The following ATP8A1 variants were observed in gnomAD, a reference collection of about 807,000 sequenced individuals.
ATP8A1 encodes ATPase phospholipid transporting 8A1, also known as phospholipid-transporting ATPase IA.
ATP8A1 carries 90 observed loss-of-function variants against 177.7 expected under a neutral mutation model. That is an observed-to-expected ratio of 0.51 (90% confidence interval 0.43 to 0.60). The LOEUF (loss-of-function observed/expected upper bound fraction) is 0.60, where lower values mean the gene tolerates loss of function less well. Ranked by LOEUF, ATP8A1 falls within the 20% of genes least tolerant of loss-of-function variation. ATP8A1 has a pLI of 0.00. For missense variants in ATP8A1, 1,072 were observed against 1,392.8 expected (o/e 0.77, Z 3.67); for synonymous variants, 493 against 485.9 (o/e 1.01, Z -0.19).
intron 6 of ATP8A1, among the ~76,000 whole-genome samples, chr4:42,592,415 T>C (rs1401400436): frequency 1.3e-5 from 2 of 152,094 alleles, no homozygotes; most frequent in African/African-American, 4.8e-5. Flanking sequence ...TTTTGAAAAT[T>C]TCCAACTTAA....
Position 42,581,678 on chromosome 4 carries a change from A to G in ATP8A1, c.777T>C (p.Asn259=). 6.2e-7 allele frequency: 1 copy of G among 1,614,138 alleles called. No individual in the cohort carries two copies. The highest frequency in any genetic ancestry group is 1.1e-5 in the South Asian group (1 of 91,080). ...CAACTATTCCATGAACCCACTGTGT[A>G]TTTCTCAACTGAGCTCCTCGAAGAA... ...QILLRGAQLR[N]TQWVHGIVVY... Residue 259 remains asparagine, a synonymous_variant, in exon 10 of 37, where the codon AAT becomes AAC. Coordinates refer to ENST00000381668, the MANE Select transcript of ATP8A1 (RefSeq NM_006095.2).
chr4:42,601,801 T>C (rs1057376625), intron 5 of ATP8A1, among the ~76,000 whole-genome samples: 94 of 152,334 alleles, frequency 6.2e-4, no homozygotes, highest in African/African-American at 2.2e-3. Flanking sequence ...ATTCAGTTTC[T>C]TTTGATGTTG....
At chr4:42,636,154 ACACG>A (rs57055265) in intron 1 of ATP8A1, among the ~76,000 whole-genome samples, 1,002 of 47,596 alleles carry the variant, frequency 0.021, 23 homozygotes, top group African/African-American at 0.041. Flanking sequence ...ACACACACAC[ACACG>A]CACACACACA....
At chr4:42,626,617 A>C (rs888167799) in intron 2 of ATP8A1, 1 of 243,608 alleles carries the variant, frequency 4.1e-6, no homozygotes, top group Non-Finnish European at 8.1e-6. Flanking sequence ...AAGACTATAT[A>C]ACCAGAAGGA....
intron 1 of ATP8A1, 88 bp from the exon 2 acceptor site, chr4:42,627,197 T>C: frequency 4.4e-6 from 4 of 904,614 alleles, no homozygotes; most frequent in Non-Finnish European, 6.8e-6. Context: ...ATATGAAATC[T>C]GTTAAAAGCT....
intron 4 of ATP8A1, among the ~76,000 whole-genome samples, chr4:42,623,658 G>C (rs566633918): frequency 6.6e-6 from 1 of 152,076 alleles, no homozygotes; most frequent in Admixed American, 6.5e-5. Context: ...GAGAACACAC[G>C]GACACAGAGG....
chr4:42,572,667 A>G (rs758640347), intron 14 of ATP8A1, among the ~76,000 whole-genome samples: 1 of 152,252 alleles, frequency 6.6e-6, no homozygotes. Flanking sequence ...ATATGATACC[A>G]TAACTAAAAA....
At chr4:42,494,711 C>A (rs1723093437) in intron 24 of ATP8A1, among the ~76,000 whole-genome samples, 1 of 152,148 alleles carries the variant, frequency 6.6e-6, no homozygotes, top group South Asian at 2.1e-4. Flanking sequence ...CTGTCTCCAA[C>A]CTGATAGAAT....
chr4:42,477,634 A>T (rs1480218228), intron 25 of ATP8A1, among the ~76,000 whole-genome samples: 1 of 152,168 alleles, frequency 6.6e-6, no homozygotes. Flanking sequence ...AGAGATAAAT[A>T]AAATGATGTA....
chr4:42,575,796 G>C, intron 12 of ATP8A1, 97 bp from the exon 13 acceptor site: 1 of 995,284 alleles, frequency 1.0e-6, no homozygotes, highest in Non-Finnish European at 1.5e-6. Context: ...ACTTCAATAA[G>C]TCACTGTTTG....
chr4:42,550,219 CATA>C (rs1000159856), intron 18 of ATP8A1, among the ~76,000 whole-genome samples: 5 of 147,242 alleles, frequency 3.4e-5, no homozygotes, highest in African/African-American at 1.0e-4. Context: ...TTTTGCTCGG[CATA>C]ATGTTTTTGA....
At chr4:42,533,239 T>G (rs1727460237) in intron 20 of ATP8A1, among the ~76,000 whole-genome samples, 1 of 152,106 alleles carries the variant, frequency 6.6e-6, no homozygotes, top group African/African-American at 2.4e-5. Flanking sequence ...CTGGGAAGCT[T>G]GTAGCTGGGG....
chr4:42,423,486 A>C, intron 34 of ATP8A1, 131 bp downstream of exon 34: 2 of 496,416 alleles, frequency 4.0e-6, no homozygotes, highest in Non-Finnish European at 3.4e-6. Context: ...CCCCTTCCTT[A>C]TTTAAAATTA....
chr4:42,581,531 TC>T, intron 10 of ATP8A1, 89 bp downstream of exon 10: 5 of 902,502 alleles, frequency 5.5e-6, no homozygotes, highest in Non-Finnish European at 9.2e-6. Flanking sequence ...ACAGATGGTC[TC>T]CTATGTTTGG....
intron 33 of ATP8A1, among the ~76,000 whole-genome samples, chr4:42,440,680 G>GT (rs1346461598): frequency 6.6e-6 from 1 of 152,086 alleles, no homozygotes; most frequent in East Asian, 1.9e-4. Flanking sequence ...TAAAGTAAGC[G>GT]TTCAATATTC....
chr4:42,443,716 C>A (rs1420662304), intron 32 of ATP8A1, 44 bp from the exon 33 acceptor site: 1 of 839,080 alleles, frequency 1.2e-6, no homozygotes, highest in South Asian at 1.4e-5. Context: ...TTATGTAGAC[C>A]GAGTACACAA....
intron 25 of ATP8A1, chr4:42,472,138 C>A: frequency 1.5e-6 from 1 of 650,498 alleles, no homozygotes; most frequent in South Asian, 1.4e-5. Flanking sequence ...AAAAGCCATA[C>A]AAAAAATAAG....
In ATP8A1 at chr4:42,581,669, C is replaced by G; in HGVS notation, c.786G>C (p.Trp262Cys). 1 of 1,614,144 alleles carries G rather than the reference C, an allele frequency of 6.2e-7. No homozygotes were observed. The highest frequency in any genetic ancestry group is 2.2e-5 in the East Asian group (1 of 44,878). The stretch of plus-strand genomic sequence containing the variant: ...CAGTGTAGACAACTATTCCATGAAC[C>G]CACTGTGTATTTCTCAACTGAGCTC... The part of the protein sequence containing the change: ...LRGAQLRNTQ[W>C]VHGIVVYTGH... The change falls in exon 10 of 37, where the codon TGG becomes TGC. Residue 262 changes from tryptophan (W) to cysteine (C), a missense_variant. By Grantham distance (215) the Trp-to-Cys change is radical (BLOSUM62 -2). Coordinates refer to ENST00000381668, the MANE Select transcript of ATP8A1 (RefSeq NM_006095.2).
Position 42,656,977 on chromosome 4 carries a change from C to T in ATP8A1, c.-104G>A. ...CGCCGCGCAGAGCGCTCAGCTGCAGCCTGGGCCGCGCCGCCGCCCACCTAG... is the reference window on the plus strand; with the variant it reads ...CGCCGCGCAGAGCGCTCAGCTGCAGTCTGGGCCGCGCCGCCGCCCACCTAG... On this transcript the variant is annotated 5_prime_UTR_variant, in exon 1 of 37. Transcript: ENST00000381668. 1 of 1,205,142 alleles carries T rather than the reference C, an allele frequency of 8.3e-7. No homozygotes were observed. The highest frequency in any genetic ancestry group is 3.0e-5 in the South Asian group (1 of 33,054). The allele number at this position is 1,205,142 out of a possible 1,614,324, so 74.7% of individuals were successfully genotyped here.
Sources: gnomAD v4.1 joint callset for allele counts (sites outside exome capture counted in the v4.1 genomes callset) on GRCh38, gnomAD v4.1.1 for gene constraint, MANE v1.5 for transcripts, NCBI Gene and HGNC (gene_info 2026-07-23, HGNC 2026-07-21) for gene names.